The following MEIS2 variants were observed in gnomAD, a reference collection of about 807,000 sequenced individuals.
The protein encoded by MEIS2 is Meis homeobox 2.
In MEIS2, 9 loss-of-function variants were observed where a neutral mutation model predicts 58.6. The ratio of observed to expected loss-of-function variants is 0.15; its 90% CI spans 0.09 to 0.27. The LOEUF is 0.27. MEIS2 is among the 10% of genes least tolerant of loss of function. The pLI is 1.00. For synonymous variants in MEIS2, 221 were observed against 228.4 expected (o/e 0.97, Z 0.29); for missense variants, 427 against 635.0 (o/e 0.67, Z 3.52).
intron 7 of MEIS2, among the ~76,000 whole-genome samples, chr15:37,082,372 A>G (rs1192269457): frequency 6.6e-6 from 1 of 152,028 alleles, no homozygotes; most frequent in Non-Finnish European, 1.5e-5. Context: ...GTTTTTATTA[A>G]TAGATACATT....
At chr15:36,946,865 C>T (rs531673637) in intron 9 of MEIS2, among the ~76,000 whole-genome samples, 101 of 152,088 alleles carry the variant, frequency 6.6e-4, no homozygotes, top group African/African-American at 2.4e-3. Flanking sequence ...ATTCCTGAGC[C>T]TGACTGCTTA....
chr15:36,922,968 C>T (rs1282532448), intron 9 of MEIS2, among the ~76,000 whole-genome samples: 2 of 152,048 alleles, frequency 1.3e-5, no homozygotes, highest in African/African-American at 4.8e-5. Flanking sequence ...AAGAAAGTCT[C>T]CTGCCATGTA....
chr15:36,985,529 T>C (rs2141527641), intron 8 of MEIS2, among the ~76,000 whole-genome samples: 1 of 152,316 alleles, frequency 6.6e-6, no homozygotes, highest in East Asian at 1.9e-4. Flanking sequence ...AGGTGTGTTA[T>C]TTGCTTTATT....
At chr15:36,955,763 C>G (rs986208300) in intron 8 of MEIS2, among the ~76,000 whole-genome samples, 2 of 152,090 alleles carry the variant, frequency 1.3e-5, no homozygotes, top group African/African-American at 4.8e-5. Context: ...ACCTGAAGCA[C>G]TTCTGCATGA....
chr15:36,989,504 TAGTCAC>T (rs2060199195), intron 8 of MEIS2, among the ~76,000 whole-genome samples: 1 of 152,196 alleles, frequency 6.6e-6, no homozygotes, highest in Non-Finnish European at 1.5e-5. Flanking sequence ...TGTGGACTTC[TAGTCAC>T]ACAGGGTCAG....
chr15:36,930,233 G>A (rs113394184), intron 9 of MEIS2, among the ~76,000 whole-genome samples: 10,831 of 137,420 alleles, frequency 0.079, 1,116 homozygotes, highest in African/African-American at 0.24. Context: ...GAGAGAGAGA[G>A]AAAAAAAAAG....
chr15:36,998,382 G>A (rs1488316017), intron 8 of MEIS2, among the ~76,000 whole-genome samples: 2 of 151,206 alleles, frequency 1.3e-5, no homozygotes, highest in Non-Finnish European at 2.9e-5. Context: ...CACCACACCA[G>A]GCTAATTCTT....
At chr15:36,959,834 T>C (rs191644804) in intron 8 of MEIS2, among the ~76,000 whole-genome samples, 1 of 152,290 alleles carries the variant, frequency 6.6e-6, no homozygotes, top group African/African-American at 2.4e-5. Flanking sequence ...GGGATTGCTT[T>C]AAAACAAGAG....
intron 9 of MEIS2, among the ~76,000 whole-genome samples, chr15:36,926,047 C>G (rs551724583): frequency 1.4e-4 from 21 of 152,256 alleles, no homozygotes; most frequent in African/African-American, 5.1e-4. Context: ...TATCCAGCCC[C>G]GCTTCTTTTT....
Position 36,924,819 on chromosome 15 carries a change from G to T in MEIS2, c.977+25505C>A, listed in dbSNP as rs184272162. Among the ~76,000 whole-genome samples the T allele has an allele frequency of 7.5e-4, 114 of 152,306 alleles. 1 individual carries two copies. The highest frequency in any genetic ancestry group is 2.5e-3 in the African/African-American group (104 of 41,566). ...AAGAAGTGGGGTGTCTCCGCAGCAA[G>T]TGTGACAACCAGAAATATTTCTAAT... On this transcript the variant is annotated intron_variant, in intron 9 of 11. Coordinates refer to ENST00000561208, the MANE Select transcript of MEIS2 (RefSeq NM_170675.5).
intron 7 of MEIS2, among the ~76,000 whole-genome samples, chr15:37,069,912 C>T (rs1035047617): frequency 6.6e-6 from 1 of 152,088 alleles, no homozygotes; most frequent in African/African-American, 2.4e-5. Flanking sequence ...GCAAGCAGAA[C>T]CAAGCCATCC....
At chr15:37,036,386 G>A (rs1389644222) in intron 8 of MEIS2, 1 of 146,986 alleles carries the variant, frequency 6.8e-6, no homozygotes, top group East Asian at 1.9e-4. Context: ...CATGTGGCAA[G>A]GTGCTTTTTT....
At chr15:36,952,507 T>G (rs1295227192) in intron 8 of MEIS2, among the ~76,000 whole-genome samples, 1 of 152,134 alleles carries the variant, frequency 6.6e-6, no homozygotes. Flanking sequence ...TGATCTTTTT[T>G]GTGTGTTTAG....
At chr15:37,084,023 T>C in intron 6 of MEIS2, 138 bp from the exon 7 acceptor site, 2 of 637,542 alleles carry the variant, frequency 3.1e-6, no homozygotes, top group South Asian at 4.0e-5. Flanking sequence ...ACGCATGCCA[T>C]GTTATGGTGT....
At chr15:36,961,991 T>G (rs542103393) in intron 8 of MEIS2, among the ~76,000 whole-genome samples, 111 of 152,282 alleles carry the variant, frequency 7.3e-4, no homozygotes, top group African/African-American at 2.6e-3. Flanking sequence ...GCCCTGAAAA[T>G]GGCTGTCTCC....
intron 6 of MEIS2, among the ~76,000 whole-genome samples, chr15:37,086,796 G>A (rs928198480): frequency 6.6e-6 from 1 of 152,142 alleles, no homozygotes; most frequent in Non-Finnish European, 1.5e-5. Flanking sequence ...TACACAAGGT[G>A]GTGATGTGAT....
At chr15:36,906,417 A>G (rs1010635238) in intron 9 of MEIS2, among the ~76,000 whole-genome samples, 1 of 152,108 alleles carries the variant, frequency 6.6e-6, no homozygotes, top group Non-Finnish European at 1.5e-5. Context: ...TGGTTGGGAG[A>G]ACTGCTGATA....
chr15:37,062,616 CTCA>C (rs1235658432), intron 7 of MEIS2, among the ~76,000 whole-genome samples: 1 of 152,166 alleles, frequency 6.6e-6, no homozygotes, highest in African/African-American at 2.4e-5. Context: ...AATATCCATG[CTCA>C]TCCTCTACAA....
At chr15:36,971,553 A>AAAAAAAAAAAAAAAAAAAGAAAG (rs1555438306) in intron 8 of MEIS2, among the ~76,000 whole-genome samples, 2 of 131,996 alleles carry the variant, frequency 1.5e-5, no homozygotes, top group African/African-American at 6.8e-5. Flanking sequence ...AAAAAAAAAA[A>AAAAAAAAAAAAAAAAAAAGAAAG]AAAAAAAAAA....
Sources: gnomAD v4.1 joint callset for allele counts (sites outside exome capture counted in the v4.1 genomes callset) on GRCh38, gnomAD v4.1.1 for gene constraint, MANE v1.5 for transcripts, NCBI Gene and HGNC (gene_info 2026-07-23, HGNC 2026-07-21) for gene names.